Variants in KIAA0232 observed in about 807,000 individuals in gnomAD.
KIAA0232 encodes the protein uncharacterized protein KIAA0232.
A neutral mutation model predicts 122.0 loss-of-function variants in KIAA0232; 27 were observed. That is an observed-to-expected ratio of 0.22 (90% CI 0.16 to 0.31). The LOEUF (loss-of-function observed/expected upper bound fraction) is 0.31, where lower values mean the gene tolerates loss of function less well. KIAA0232 is among the 10% of genes least tolerant of loss of function. The pLI is 1.00. For synonymous variants in KIAA0232, 613 were observed against 587.6 expected, an observed-to-expected ratio of 1.04 and a Z score of -0.63; for missense variants, 1,551 against 1,634.2, an observed-to-expected ratio of 0.95 and a Z score of 0.88.
chr4:6,805,661 A>C (rs972085747), intron 2 of KIAA0232, among the ~76,000 whole-genome samples: 1 of 152,204 alleles, frequency 6.6e-6, no homozygotes, highest in African/African-American at 2.4e-5. Flanking sequence ...TTGAGGACCA[A>C]CAGTATCACA....
At chr4:6,802,067 G>A (rs1365626922) in intron 1 of KIAA0232, among the ~76,000 whole-genome samples, 4 of 152,156 alleles carry the variant, frequency 2.6e-5, no homozygotes, top group African/African-American at 7.2e-5. Flanking sequence ...CTGGGAAGGC[G>A]GGTACTTTGG....
intron 3 of KIAA0232, among the ~76,000 whole-genome samples, chr4:6,825,541 C>T (rs1351577429): frequency 1.3e-5 from 2 of 151,822 alleles, no homozygotes; most frequent in East Asian, 1.9e-4. Flanking sequence ...GGCAACAGAG[C>T]AAGACCCTGT....
rs547521082 is a variant in KIAA0232, at chr4:6,855,280, G to C, written c.370-1884G>C. Reference sequence around the variant, plus strand: ...TTTTTGTATTTTTAGTAGAAACGGGGTTTCACCATGTTCGCCAGGCTAGTC... The same window carrying C: ...TTTTTGTATTTTTAGTAGAAACGGGCTTTCACCATGTTCGCCAGGCTAGTC... On this transcript the variant is annotated intron_variant, in intron 4 of 9. Transcript: ENST00000307659. The surrounding 1 kb of genome is among the most constrained non-coding windows in gnomAD (Gnocchi z 4.3). Among the ~76,000 whole-genome samples the C allele has an allele frequency of 4.6e-5, 7 of 151,958 alleles. No individual in the cohort carries two copies. The highest frequency in any genetic ancestry group is 1.7e-4 in the African/African-American group (7 of 41,454).
In KIAA0232 at chr4:6,824,346, T is replaced by G. The variant is rs1454931415; in HGVS notation, c.-108T>G. 1.1e-6 allele frequency: 1 copy of G among 904,178 alleles called. No homozygotes were observed. The highest frequency in any genetic ancestry group is 1.8e-6 in the Non-Finnish European group (1 of 544,978). The allele number at this position is 904,178 out of a possible 1,614,324, so 56.0% of individuals were successfully genotyped here. ...AGCAAAAATAAATGCTTATCCTACA[T>G]GTCAAGCATCTCTACTTTTTACTGG... On this transcript the variant is annotated 5_prime_UTR_variant, in exon 3 of 10. The change abolishes an upstream ATG in the 5' untranslated region. Transcript: ENST00000307659.
At chr4:6,866,146 A>T in intron 7 of KIAA0232, 2 of 783,210 alleles carry the variant, frequency 2.6e-6, no homozygotes, top group Non-Finnish European at 3.1e-6. Flanking sequence ...CCCATTTTTC[A>T]TCCTTAAATA....
chr4:6,830,575 T>C (rs1427529694), intron 3 of KIAA0232, among the ~76,000 whole-genome samples: 1 of 151,794 alleles, frequency 6.6e-6, no homozygotes. Flanking sequence ...CCTGGGTAAT[T>C]TTTATATTTT....
intron 1 of KIAA0232, among the ~76,000 whole-genome samples, chr4:6,798,349 A>G (rs1412938877): frequency 1.3e-5 from 2 of 152,212 alleles, no homozygotes; most frequent in East Asian, 3.8e-4. Context: ...TAGAGAGCCT[A>G]GGTACTTAAG....
At chr4:6,819,810 G>A (rs1340101336) in intron 2 of KIAA0232, among the ~76,000 whole-genome samples, 1 of 151,942 alleles carries the variant, frequency 6.6e-6, no homozygotes, top group Non-Finnish European at 1.5e-5. Context: ...TGTTCATCAC[G>A]GCACTATTCA....
intron 6 of KIAA0232, 62 bp downstream of exon 6, chr4:6,858,568 A>G: frequency 9.5e-7 from 1 of 1,056,526 alleles, no homozygotes; most frequent in Admixed American, 2.4e-5. Flanking sequence ...AATAACTGCT[A>G]CATGGTTTCC....
Position 6,832,398 on chromosome 4 carries a change from G to A in KIAA0232, c.231+7714G>A, listed in dbSNP as rs542888476. 2.5e-3 allele frequency among the ~76,000 whole-genome samples: 371 copies of A among 150,526 alleles called. 1 individual carries two copies. The highest frequency in any genetic ancestry group is 8.9e-3 in the African/African-American group (365 of 40,846). On this transcript the variant is annotated intron_variant, in intron 3 of 9. Coordinates refer to ENST00000307659, the MANE Select transcript of KIAA0232 (RefSeq NM_014743.3). Reference sequence around the variant, plus strand: ...GACTCTTGCTGTGTTGCCTAGGCTGGAGTGTAGTGGCGTGATCTCGGCTCA... The same window carrying A: ...GACTCTTGCTGTGTTGCCTAGGCTGAAGTGTAGTGGCGTGATCTCGGCTCA...
intron 2 of KIAA0232, among the ~76,000 whole-genome samples, chr4:6,809,930 G>T (rs923199545): frequency 6.6e-6 from 1 of 152,124 alleles, no homozygotes; most frequent in African/African-American, 2.4e-5. Context: ...AGAAATTGTA[G>T]ATGACAAATA....
intron 2 of KIAA0232, among the ~76,000 whole-genome samples, chr4:6,811,933 A>T (rs1425275366): frequency 6.6e-6 from 1 of 151,808 alleles, no homozygotes; most frequent in African/African-American, 2.4e-5. Flanking sequence ...TGTTCTTGTT[A>T]TTCCATACAG....
At chr4:6,832,055 T>C (rs1369683887) in intron 3 of KIAA0232, among the ~76,000 whole-genome samples, 2 of 152,206 alleles carry the variant, frequency 1.3e-5, no homozygotes, top group Non-Finnish European at 2.9e-5. Context: ...TTGGTTTGTC[T>C]TTGTGTCGTT....
chr4:6,838,637 A>G (rs1209254301), intron 3 of KIAA0232, among the ~76,000 whole-genome samples: 3 of 152,066 alleles, frequency 2.0e-5, no homozygotes, highest in African/African-American at 4.8e-5. Flanking sequence ...CACATTTAAA[A>G]TAAATCTGTT....
At chr4:6,846,488 G>C (rs1719973559) in intron 4 of KIAA0232, among the ~76,000 whole-genome samples, 1 of 151,940 alleles carries the variant, frequency 6.6e-6, no homozygotes, top group Non-Finnish European at 1.5e-5. Context: ...AGGGATCTAG[G>C]GTGAACGCTC....
chr4:6,811,747 A>AT (rs10709832), intron 2 of KIAA0232, among the ~76,000 whole-genome samples: 22,346 of 103,714 alleles, frequency 0.22, 2,559 homozygotes, highest in Non-Finnish European at 0.27. Context: ...GCCTGGCCTA[A>AT]TTTTTTTTTT....
intron 1 of KIAA0232, among the ~76,000 whole-genome samples, chr4:6,789,374 A>G (rs1716783444): frequency 6.7e-6 from 1 of 148,508 alleles, no homozygotes; most frequent in African/African-American, 2.5e-5. Flanking sequence ...CGTGGGTTCA[A>G]GTGATTCTCC....
At chr4:6,819,324 C>G (rs1293624482) in intron 2 of KIAA0232, among the ~76,000 whole-genome samples, 1 of 151,990 alleles carries the variant, frequency 6.6e-6, no homozygotes, top group Non-Finnish European at 1.5e-5. Flanking sequence ...TACAGACCAC[C>G]TACAGAATAG....
At position 6,863,143 on chromosome 4, in the gene KIAA0232, G is replaced by A. The variant is rs1720972279; in HGVS notation, c.2761G>A (p.Ala921Thr). Residue 921 changes from alanine to threonine, a missense_variant, in exon 7 of 10, where the codon GCC (alanine) becomes ACC (threonine). Ala to Thr is a moderately conservative substitution (Grantham distance 58). This residue lies in a region of KIAA0232 where 1,108 missense variants were observed against 1,154.8 expected (regional missense o/e 0.96). Transcript: ENST00000307659. ...AACACCCTCTAAACCCTGGGATGTA[G>A]CCCAAGATAAAGAAAACACATTCAT... ...YTTPSKPWDV[A>T]QDKENTFILG... 1.9e-6 allele frequency: 3 copies of A among 1,614,062 alleles called. No homozygotes were observed. The highest frequency in any genetic ancestry group is 2.5e-6 in the Non-Finnish European group (3 of 1,180,038).
Sources: gnomAD v4.1 joint callset for allele counts (sites outside exome capture counted in the v4.1 genomes callset) on GRCh38, gnomAD v4.1.1 for gene constraint, gnomAD v4.1.1 regional missense constraint, Gnocchi (gnomAD v3.1) non-coding constraint, MANE v1.5 for transcripts, NCBI Gene and HGNC (gene_info 2026-07-23, HGNC 2026-07-21) for gene names.